GPC6: variants seen among roughly 807,000 people sequenced by gnomAD.
The protein encoded by GPC6 is glypican-6.
Under a neutral mutation model 55.2 loss-of-function variants are expected in GPC6, and 14 were observed. The ratio of observed to expected loss-of-function variants is 0.25; its 90% CI spans 0.17 to 0.40. GPC6 has a LOEUF of 0.40. Among genes scored for constraint, GPC6 ranks in the 10% least tolerant of loss-of-function variants. The pLI, the probability that GPC6 is intolerant of heterozygous loss-of-function variation, is 1.00. For missense variants in GPC6, 641 were observed against 708.5 expected (o/e 0.90, Z 1.08); for synonymous variants, 278 against 259.6 (o/e 1.07, Z -0.68).
chr13:94,190,382 A>G (rs1889352489), intron 4 of GPC6, among the ~76,000 whole-genome samples: 1 of 152,134 alleles, frequency 6.6e-6, no homozygotes, highest in Non-Finnish European at 1.5e-5. Flanking sequence ...TGATCATCTC[A>G]TATGTGTTGC....
At chr13:93,842,501 G>A (rs1887990190) in intron 3 of GPC6, among the ~76,000 whole-genome samples, 1 of 152,082 alleles carries the variant, frequency 6.6e-6, no homozygotes, top group Admixed American at 6.6e-5. Context: ...GTGTTAGTGT[G>A]ATAGTACTTT....
At chr13:93,358,279 G>A (rs1273168728) in intron 1 of GPC6, among the ~76,000 whole-genome samples, 3 of 151,972 alleles carry the variant, frequency 2.0e-5, no homozygotes, top group Non-Finnish European at 4.4e-5. Flanking sequence ...GGGAGATCGA[G>A]CAGTGAGCTA....
At chr13:94,300,955 C>G (rs990917004) in intron 5 of GPC6, among the ~76,000 whole-genome samples, 2 of 152,162 alleles carry the variant, frequency 1.3e-5, no homozygotes, top group Non-Finnish European at 2.9e-5. Context: ...AAATGCAGTT[C>G]TATCTGAATC....
intron 1 of GPC6, among the ~76,000 whole-genome samples, chr13:93,294,296 G>T (rs1878411193): frequency 6.6e-6 from 1 of 151,962 alleles, no homozygotes; most frequent in Non-Finnish European, 1.5e-5. Flanking sequence ...TTTTCCCAAA[G>T]ACATAATCTG....
At chr13:94,217,209 C>G (rs776007858) in intron 4 of GPC6, among the ~76,000 whole-genome samples, 3 of 152,168 alleles carry the variant, frequency 2.0e-5, no homozygotes, top group Non-Finnish European at 4.4e-5. Context: ...GTCCCAATGT[C>G]AGTAAGTACA....
chr13:94,366,795 G>A (rs931765999), intron 6 of GPC6, among the ~76,000 whole-genome samples: 5 of 152,196 alleles, frequency 3.3e-5, no homozygotes, highest in African/African-American at 1.2e-4. Context: ...GAGAGCGAGA[G>A]AGCAGATGGG....
intron 3 of GPC6, among the ~76,000 whole-genome samples, chr13:93,875,703 G>C (rs1292489863): frequency 1.3e-5 from 2 of 152,016 alleles, no homozygotes; most frequent in Non-Finnish European, 2.9e-5. Context: ...CACCTGGCAG[G>C]TGCCCAATAA....
intron 1 of GPC6, among the ~76,000 whole-genome samples, chr13:93,324,476 C>T (rs1323037672): frequency 6.7e-6 from 1 of 148,276 alleles, no homozygotes; most frequent in African/African-American, 2.5e-5. Flanking sequence ...GGATGGAAAC[C>T]CCATTCTTTA....
intron 3 of GPC6, among the ~76,000 whole-genome samples, chr13:93,935,587 CT>C (rs1247261242): frequency 6.6e-6 from 1 of 152,016 alleles, no homozygotes; most frequent in Non-Finnish European, 1.5e-5. Context: ...TTGCCTATTC[CT>C]TTTTAATTTT....
intron 1 of GPC6, among the ~76,000 whole-genome samples, chr13:93,231,605 C>G (rs1424442742): frequency 6.6e-6 from 1 of 151,426 alleles, no homozygotes; most frequent in African/African-American, 2.4e-5. Context: ...ATGGTTCATG[C>G]GTTTATGCCT....
chr13:93,508,910 TC>T lies in GPC6; in HGVS notation c.161-36352del, dbSNP rs371800751. ...CCTGGAAAATGTATCTGTATGTCCT[TC>T]TGAAGAATTAGGCTTCATCTTGCTA... On this transcript the variant is annotated intron_variant, in intron 1 of 8. Coordinates refer to ENST00000377047, the MANE Select transcript of GPC6 (RefSeq NM_005708.5). Among the ~76,000 whole-genome samples the T allele has an allele frequency of 3.8e-3, 578 of 152,300 alleles. 3 individuals carry two copies. Among genetic ancestry groups the T allele is most frequent in the Non-Finnish European group, 6.0e-3 (407 of 68,028 alleles).
intron 4 of GPC6, among the ~76,000 whole-genome samples, chr13:94,125,228 G>C (rs547586502): frequency 6.6e-6 from 1 of 152,138 alleles, no homozygotes; most frequent in Non-Finnish European, 1.5e-5. Flanking sequence ...ACCAATAATA[G>C]CAATGTATAA....
At chr13:93,842,602 T>C (rs574281416) in intron 3 of GPC6, among the ~76,000 whole-genome samples, 37 of 152,258 alleles carry the variant, frequency 2.4e-4, no homozygotes, top group African/African-American at 8.4e-4. Context: ...TTGCTTGTGT[T>C]TGTCACTTGG....
intron 1 of GPC6, among the ~76,000 whole-genome samples, chr13:93,296,846 G>A (rs1051198505): frequency 1.1e-4 from 16 of 152,184 alleles, no homozygotes; most frequent in African/African-American, 3.6e-4. Context: ...CCTCAGGTAC[G>A]AGGTGGAGGT....
At chr13:93,630,390 G>A (rs1003717340) in intron 2 of GPC6, among the ~76,000 whole-genome samples, 2 of 152,132 alleles carry the variant, frequency 1.3e-5, no homozygotes, top group African/African-American at 4.8e-5. Flanking sequence ...TCTGAATAAT[G>A]AGCTAGGGTT....
At chr13:94,364,843 G>T (rs1449722963) in intron 6 of GPC6, among the ~76,000 whole-genome samples, 1 of 152,034 alleles carries the variant, frequency 6.6e-6, no homozygotes, top group African/African-American at 2.4e-5. Flanking sequence ...TATAATATAG[G>T]GAAGCTTACA....
At chr13:93,732,992 C>A (rs771171488) in intron 2 of GPC6, among the ~76,000 whole-genome samples, 1 of 151,902 alleles carries the variant, frequency 6.6e-6, no homozygotes, top group Non-Finnish European at 1.5e-5. Flanking sequence ...TCAATTTTGG[C>A]CAGCTATATC....
At chr13:93,293,536 A>G (rs1442380189) in intron 1 of GPC6, among the ~76,000 whole-genome samples, 1 of 152,076 alleles carries the variant, frequency 6.6e-6, no homozygotes, top group Non-Finnish European at 1.5e-5. Flanking sequence ...TGAGTAATGG[A>G]CAATTTCTAA....
At chr13:93,711,612 AGTT>A in intron 2 of GPC6, among the ~76,000 whole-genome samples, 1 of 151,082 alleles carries the variant, frequency 6.6e-6, no homozygotes, top group East Asian at 2.0e-4. Flanking sequence ...AAGAATCTCC[AGTT>A]GTTCTGTATT....
Sources: gnomAD v4.1 joint callset for allele counts (sites outside exome capture counted in the v4.1 genomes callset) on GRCh38, gnomAD v4.1.1 for gene constraint, MANE v1.5 for transcripts, NCBI Gene and HGNC (gene_info 2026-07-23, HGNC 2026-07-21) for gene names.